The following TSPAN5 variants were observed in gnomAD, a reference collection of about 807,000 sequenced individuals.
The protein encoded by TSPAN5 is tetraspanin-5.
TSPAN5 carries 10 observed loss-of-function variants against 37.1 expected under a neutral mutation model. The ratio of observed to expected loss-of-function variants is 0.27; its 90% CI spans 0.17 to 0.46. The LOEUF (loss-of-function observed/expected upper bound fraction) is 0.46. Among genes scored for constraint, TSPAN5 ranks in the 20% least tolerant of loss-of-function variants. TSPAN5 has a pLI of 1.00. For synonymous variants in TSPAN5, 110 were observed against 118.9 expected (o/e 0.93, Z 0.48); for missense variants, 195 against 326.6 (o/e 0.60, Z 3.11).
At chr4:98,588,947 T>C (rs1224849128) in intron 1 of TSPAN5, among the ~76,000 whole-genome samples, 1 of 152,196 alleles carries the variant, frequency 6.6e-6, no homozygotes, top group African/African-American at 2.4e-5. Flanking sequence ...CCTAGAAAGC[T>C]GGCTAGAAAT....
chr4:98,597,523 G>C (rs1487851062), intron 1 of TSPAN5, among the ~76,000 whole-genome samples: 1 of 37,236 alleles, frequency 2.7e-5, no homozygotes, highest in Non-Finnish European at 4.2e-5. Flanking sequence ...CTGCGTTTTA[G>C]AGTTTCCAGT....
intron 1 of TSPAN5, among the ~76,000 whole-genome samples, chr4:98,585,473 C>A (rs960821854): frequency 1.3e-5 from 2 of 152,102 alleles, no homozygotes; most frequent in African/African-American, 4.8e-5. Flanking sequence ...CCACACCTGG[C>A]CATTTTTTGT....
chr4:98,596,615 C>A (rs1399312545), intron 1 of TSPAN5, among the ~76,000 whole-genome samples: 2 of 81,420 alleles, frequency 2.5e-5, no homozygotes, highest in Non-Finnish European at 4.3e-5. Flanking sequence ...TTCAGGAGCT[C>A]TTTTAGGGCA....
At chr4:98,573,604 T>A (rs1056822298) in intron 1 of TSPAN5, among the ~76,000 whole-genome samples, 1 of 152,204 alleles carries the variant, frequency 6.6e-6, no homozygotes, top group African/African-American at 2.4e-5. Flanking sequence ...AGAATCTAAA[T>A]CATCACTTGA....
At chr4:98,599,061 C>A (rs4699657) in intron 1 of TSPAN5, among the ~76,000 whole-genome samples, 18,688 of 152,124 alleles carry the variant, frequency 0.12, 1,279 homozygotes, top group African/African-American at 0.18. Flanking sequence ...TAGAAAGAAG[C>A]AAAATGGACA....
chr4:98,607,021 GT>G (rs888057484), intron 1 of TSPAN5, among the ~76,000 whole-genome samples: 25 of 152,046 alleles, frequency 1.6e-4, no homozygotes, highest in African/African-American at 5.8e-4. Flanking sequence ...TGGTGAGGCA[GT>G]TGGGGGAAGG....
chr4:98,545,972 T>C (rs1369271272), intron 1 of TSPAN5, among the ~76,000 whole-genome samples: 5 of 152,158 alleles, frequency 3.3e-5, no homozygotes, highest in East Asian at 3.9e-4. Flanking sequence ...CACAGACACA[T>C]AGTAACATTG....
At chr4:98,520,378 C>A (rs17564872) in intron 1 of TSPAN5, among the ~76,000 whole-genome samples, 1 of 152,082 alleles carries the variant, frequency 6.6e-6, no homozygotes, top group African/African-American at 2.4e-5. Context: ...AGCATGACCA[C>A]CAGACACTGG....
At chr4:98,622,068 T>C (rs1276022350) in intron 1 of TSPAN5, among the ~76,000 whole-genome samples, 3 of 152,206 alleles carry the variant, frequency 2.0e-5, no homozygotes, top group Non-Finnish European at 4.4e-5. Flanking sequence ...GTAATGCTGC[T>C]ATTGAACATT....
At chr4:98,536,083 T>G (rs1263253495) in intron 1 of TSPAN5, among the ~76,000 whole-genome samples, 1 of 152,264 alleles carries the variant, frequency 6.6e-6, no homozygotes, top group South Asian at 2.1e-4. Context: ...TGGTGAGGAG[T>G]TGTAATCCCT....
rs1753438250 is a variant in TSPAN5 at position 98,504,832 on chromosome 4, CCT to C, written c.132+2844_132+2845del. 2.0e-5 allele frequency among the ~76,000 whole-genome samples: 3 copies of C among 152,124 alleles called. No individual in the cohort carries two copies. The South Asian group carries it at 6.2e-4, about 32-fold the overall frequency. Reference sequence around the variant, plus strand: ...GTATTTGAACTCAGGTCTGTTTACCCCTGTCTTAGTCGGCTGTATAACACTGA... The same window carrying C: ...GTATTTGAACTCAGGTCTGTTTACCCGTCTTAGTCGGCTGTATAACACTGA... On this transcript the variant is annotated intron_variant, in intron 2 of 7. Transcript: ENST00000305798.
intron 1 of TSPAN5, among the ~76,000 whole-genome samples, chr4:98,596,524 C>A: frequency 1.5e-5 from 1 of 65,096 alleles, no homozygotes; most frequent in Non-Finnish European, 2.6e-5. Flanking sequence ...GCAGTTTCTT[C>A]CTAGTCTCGA....
chr4:98,542,517 A>G lies in TSPAN5; in HGVS notation c.82-34789T>C, dbSNP rs143523252. ...GATCGCTTAAGGCCAGGAGTTCAAG[A>G]CCAGCCGAGGTAAAACAGCAAGACA... On this transcript the variant is annotated intron_variant, in intron 1 of 7. Transcript: ENST00000305798. Among the ~76,000 whole-genome samples, 656 of 152,118 alleles carry G rather than the reference A, an allele frequency of 4.3e-3. 4 individuals are homozygous for G. The highest frequency in any genetic ancestry group is 0.014 in the Middle Eastern group (4 of 294).
intron 1 of TSPAN5, among the ~76,000 whole-genome samples, chr4:98,564,781 GC>G (rs1431876141): frequency 6.6e-6 from 1 of 151,320 alleles, no homozygotes; most frequent in Non-Finnish European, 1.5e-5. Context: ...TGCAGGCTTC[GC>G]CCCCTGGGGT....
At chr4:98,518,257 A>G (rs1753777685) in intron 1 of TSPAN5, among the ~76,000 whole-genome samples, 2 of 152,206 alleles carry the variant, frequency 1.3e-5, no homozygotes, top group South Asian at 4.1e-4. Context: ...ACCAAAATAG[A>G]ATTATTCTTT....
intron 1 of TSPAN5, among the ~76,000 whole-genome samples, chr4:98,514,879 ATAAAGAAACATAAGT>A: frequency 6.6e-6 from 1 of 152,322 alleles, no homozygotes; most frequent in Non-Finnish European, 1.5e-5. Flanking sequence ...GAAAGGCAAT[ATAAAGAAACATAAGT>A]GAGTAGATGC....
intron 1 of TSPAN5, among the ~76,000 whole-genome samples, chr4:98,635,001 A>G (rs961197100): frequency 4.6e-5 from 7 of 152,176 alleles, no homozygotes; most frequent in Non-Finnish European, 4.4e-5. Context: ...GTGAGAGGCA[A>G]GAGAGCTGGA....
chr4:98,594,852 T>C (rs1433396293), intron 1 of TSPAN5, among the ~76,000 whole-genome samples: 1 of 13,246 alleles, frequency 7.5e-5, no homozygotes, highest in Non-Finnish European at 1.2e-4. Context: ...AGTATTTTAT[T>C]GAGGATTTTT....
chr4:98,540,606 G>C (rs1754337551), intron 1 of TSPAN5, among the ~76,000 whole-genome samples: 3 of 152,126 alleles, frequency 2.0e-5, no homozygotes. Flanking sequence ...CCAAAGTCCT[G>C]GGATTACAGA....
Sources: allele counts gnomAD v4.1 joint callset (sites outside exome capture counted in the v4.1 genomes callset), GRCh38; gene constraint gnomAD v4.1.1; transcripts MANE v1.5; gene names NCBI Gene and HGNC (gene_info 2026-07-23, HGNC 2026-07-21).